DIPK1A: variants seen among roughly 807,000 people sequenced by gnomAD.
The protein encoded by DIPK1A is family with sequence similarity 69 member A.
Under a neutral mutation model 40.8 loss-of-function variants are expected in DIPK1A, and 27 were observed. The ratio of observed to expected loss-of-function variants is 0.66; its 90% CI spans 0.49 to 0.91. DIPK1A has a LOEUF of 0.91. DIPK1A is among the 40% of genes least tolerant of loss of function. The pLI is 0.00. For missense variants in DIPK1A, 412 were observed against 505.7 expected (o/e 0.81, Z 1.78); for synonymous variants, 166 against 171.3 (o/e 0.97, Z 0.24).
At chr1:92,881,053 A>T (rs1226121950) in intron 1 of DIPK1A, among the ~76,000 whole-genome samples, 2 of 150,812 alleles carry the variant, frequency 1.3e-5, no homozygotes, top group Admixed American at 6.6e-5. Context: ...GGAGCCTGTA[A>T]TCACAGCTAC....
chr1:92,839,734 A>C (rs559683175), downstream of DIPK1A, among the ~76,000 whole-genome samples: 1 of 152,354 alleles, frequency 6.6e-6, no homozygotes, highest in East Asian at 1.9e-4. Flanking sequence ...GACAGTATTT[A>C]AAATGAGAAG....
At chr1:92,928,505 C>T (rs988845487) in intron 1 of DIPK1A, among the ~76,000 whole-genome samples, 2 of 152,074 alleles carry the variant, frequency 1.3e-5, no homozygotes, top group African/African-American at 4.8e-5. Flanking sequence ...TATGAGTTAC[C>T]AGTTAGTGTC....
intron 2 of DIPK1A, among the ~76,000 whole-genome samples, chr1:92,875,587 C>A (rs368559635): frequency 2.0e-5 from 3 of 151,586 alleles, no homozygotes; most frequent in Non-Finnish European, 4.4e-5. Flanking sequence ...CGTGGTAGTG[C>A]GAGCCTGTGA....
chr1:92,860,646 A>AAAAAATAAATAGCCAGGTG (rs148916481), intron 2 of DIPK1A, among the ~76,000 whole-genome samples: 1 of 105,212 alleles, frequency 9.5e-6, no homozygotes, highest in African/African-American at 3.7e-5. Context: ...AAAAAAAAAA[A>AAAAAATAAATAGCCAGGTG]TGGTGGTGTG....
chr1:92,937,527 C>T (rs1363506639), intron 1 of DIPK1A, among the ~76,000 whole-genome samples: 1 of 152,154 alleles, frequency 6.6e-6, no homozygotes, highest in Non-Finnish European at 1.5e-5. Flanking sequence ...GAGGCTCTGA[C>T]ACATCTTTCA....
chr1:92,872,067 A>ATT (rs1425508913), intron 2 of DIPK1A, among the ~76,000 whole-genome samples: 8 of 101,278 alleles, frequency 7.9e-5, no homozygotes, highest in Non-Finnish European at 1.5e-4. Context: ...TTTTCTTTAA[A>ATT]TCTTTTTTTT....
At chr1:92,862,922 A>G (rs538548711) in intron 2 of DIPK1A, among the ~76,000 whole-genome samples, 56 of 152,318 alleles carry the variant, frequency 3.7e-4, no homozygotes, top group African/African-American at 1.3e-3. Flanking sequence ...CTTTTCCAGA[A>G]AGCCTTCTGG....
downstream of DIPK1A, among the ~76,000 whole-genome samples, chr1:92,841,055 C>A (rs907373230): frequency 1.3e-5 from 2 of 152,174 alleles, no homozygotes; most frequent in Non-Finnish European, 2.9e-5. Context: ...TTTGTGGCAA[C>A]AACATTTGAA....
intron 2 of DIPK1A, among the ~76,000 whole-genome samples, chr1:92,856,449 C>T (rs1687991077): frequency 6.8e-6 from 1 of 146,252 alleles, no homozygotes; most frequent in African/African-American, 2.5e-5. Context: ...ACGGAGTTTC[C>T]TCTTGTTGCC....
At chr1:92,957,649 G>A (rs1651905431) in intron 1 of DIPK1A, among the ~76,000 whole-genome samples, 1 of 152,212 alleles carries the variant, frequency 6.6e-6, no homozygotes, top group African/African-American at 2.4e-5. Context: ...GACCTTGGTG[G>A]AATCTGCAGC....
At chr1:92,847,121 T>A in intron 4 of DIPK1A, 62 bp downstream of exon 4, 1 of 1,054,500 alleles carries the variant, frequency 9.5e-7, no homozygotes, top group South Asian at 2.1e-5. Context: ...TAGGATGAGG[T>A]CCTGCCAATT....
chr1:92,901,030 C>T (rs1486935158), intron 1 of DIPK1A, among the ~76,000 whole-genome samples: 1 of 151,954 alleles, frequency 6.6e-6, no homozygotes, highest in Admixed American at 6.6e-5. Flanking sequence ...ATGACTCTGT[C>T]CAGGTAAGTG....
chr1:92,910,384 G>T (rs936436100), intron 1 of DIPK1A, among the ~76,000 whole-genome samples: 1 of 152,088 alleles, frequency 6.6e-6, no homozygotes, highest in Admixed American at 6.6e-5. Context: ...AATCCGTAGG[G>T]AGTAAGCCTG....
intron 3 of DIPK1A, among the ~76,000 whole-genome samples, chr1:92,847,582 A>T (rs1321401343): frequency 6.6e-6 from 1 of 152,184 alleles, no homozygotes; most frequent in South Asian, 2.1e-4. Context: ...ATGCCTAAAT[A>T]TATTTTTCAA....
chr1:92,884,478 C>T (rs971467738), intron 1 of DIPK1A, among the ~76,000 whole-genome samples: 1 of 151,776 alleles, frequency 6.6e-6, no homozygotes, highest in African/African-American at 2.4e-5. Context: ...AAAAAAACAA[C>T]TCCTTGAGAT....
At chr1:92,892,512 A>G (rs1164835936) in intron 1 of DIPK1A, among the ~76,000 whole-genome samples, 2 of 152,048 alleles carry the variant, frequency 1.3e-5, no homozygotes, top group Admixed American at 6.5e-5. Flanking sequence ...CGTCACCATC[A>G]TCAAAGACCA....
At chr1:92,870,447 C>T (rs1322204690) in intron 2 of DIPK1A, among the ~76,000 whole-genome samples, 1 of 152,078 alleles carries the variant, frequency 6.6e-6, no homozygotes, top group African/African-American at 2.4e-5. Flanking sequence ...GCTGGTCTCA[C>T]ACTCCTGACC....
At chr1:92,867,997 C>G (rs1334486639) in intron 2 of DIPK1A, among the ~76,000 whole-genome samples, 5 of 152,180 alleles carry the variant, frequency 3.3e-5, no homozygotes, top group Non-Finnish European at 4.4e-5. Context: ...AAGTCAAGGA[C>G]TTGAGAACCT....
intron 1 of DIPK1A, among the ~76,000 whole-genome samples, chr1:92,906,644 T>C (rs1364041264): frequency 6.6e-6 from 1 of 152,120 alleles, no homozygotes; most frequent in East Asian, 1.9e-4. Flanking sequence ...AATTTCCCAG[T>C]AGAGATGCAC....
Sources: allele counts gnomAD v4.1 joint callset (sites outside exome capture counted in the v4.1 genomes callset), GRCh38; gene constraint gnomAD v4.1.1; transcripts MANE v1.5; gene names NCBI Gene and HGNC (gene_info 2026-07-23, HGNC 2026-07-21).